Variants in BCAS3 observed in about 807,000 individuals in gnomAD.
The protein encoded by BCAS3 is BCAS3 microtubule associated cell migration factor.
Under a neutral mutation model 116.1 loss-of-function variants are expected in BCAS3, and 53 were observed. The ratio of observed to expected loss-of-function variants is 0.46; its 90% confidence interval spans 0.37 to 0.57. The LOEUF (loss-of-function observed/expected upper bound fraction) is 0.57. Among genes scored for constraint, BCAS3 ranks in the 20% least tolerant of loss-of-function variants. The pLI is 0.00. For missense variants in BCAS3, 917 were observed against 1,165.4 expected, an observed-to-expected ratio of 0.79 and a Z score of 3.10; for synonymous variants, 391 against 408.2, an observed-to-expected ratio of 0.96 and a Z score of 0.51.
rs551041743 is a variant in BCAS3, at chr17:60,712,307, T to C, written c.321+2982T>C. On this transcript the variant is annotated intron_variant, in intron 5 of 23. Coordinates refer to ENST00000407086, the MANE Select transcript of BCAS3 (RefSeq NM_017679.5). ...AGGGGGATTGCCTGAGCCTGGGAAG[T>C]TGAGGCTGCAGTGAGCCATGATTAT... Among the ~76,000 whole-genome samples, 3 of 150,594 alleles carry C rather than the reference T, an allele frequency of 2.0e-5. No individual in the cohort carries two copies. In the South Asian group the frequency reaches 6.3e-4, roughly 32 times the overall value.
intron 23 of BCAS3, among the ~76,000 whole-genome samples, chr17:61,386,772 T>TA (rs2059872241): frequency 1.9e-5 from 1 of 51,600 alleles, no homozygotes; most frequent in Non-Finnish European, 5.1e-5. Context: ...ATTTCCTTAC[T>TA]GTTTTTTTTT....
chr17:61,349,695 C>T lies in BCAS3; in HGVS notation c.2426-18632C>T, dbSNP rs186059296. Reference sequence around the variant, plus strand: ...AGGTACCATATGTAGACAAAGAAGACGTTTTTGGGCAATTGCCATGGAAAG... The same window carrying T: ...AGGTACCATATGTAGACAAAGAAGATGTTTTTGGGCAATTGCCATGGAAAG... On this transcript the variant is annotated intron_variant, in intron 22 of 23. Transcript: ENST00000407086. This position sits in a 1 kb window ranked among gnomAD's most constrained non-coding sequence, Gnocchi z 4.7. 1.5e-3 allele frequency among the ~76,000 whole-genome samples: 228 copies of T among 152,270 alleles called. 1 individual carries two copies. The highest frequency in any genetic ancestry group is 5.0e-3 in the African/African-American group (208 of 41,548).
At chr17:60,782,392 G>C (rs2045912005) in intron 6 of BCAS3, among the ~76,000 whole-genome samples, 1 of 152,038 alleles carries the variant, frequency 6.6e-6, no homozygotes, top group Non-Finnish European at 1.5e-5. Flanking sequence ...CCAGTTTGCA[G>C]ATGTGGCAGT....
intron 22 of BCAS3, among the ~76,000 whole-genome samples, chr17:61,090,104 C>G (rs546127003): frequency 6.6e-6 from 1 of 152,268 alleles, no homozygotes; most frequent in East Asian, 1.9e-4. Context: ...TCCTACCATG[C>G]CATTCACTTC....
chr17:60,838,734 T>A (rs191126996), intron 7 of BCAS3, among the ~76,000 whole-genome samples: 10 of 152,344 alleles, frequency 6.6e-5, no homozygotes, highest in Non-Finnish European at 1.2e-4. Flanking sequence ...GACTTCTATA[T>A]ACCGCCATTT....
At chr17:60,728,171 T>C (rs2040100326) in intron 5 of BCAS3, among the ~76,000 whole-genome samples, 2 of 152,078 alleles carry the variant, frequency 1.3e-5, no homozygotes, top group South Asian at 2.1e-4. Context: ...GTATCCACCA[T>C]TGTAATATCA....
At chr17:60,749,352 C>T (rs569314527) in intron 6 of BCAS3, among the ~76,000 whole-genome samples, 1 of 152,288 alleles carries the variant, frequency 6.6e-6, no homozygotes, top group South Asian at 2.1e-4. Context: ...TTCTTTGTGG[C>T]TTGTTTTACT....
chr17:60,774,195 C>G (rs2045048223), intron 6 of BCAS3, among the ~76,000 whole-genome samples: 1 of 151,872 alleles, frequency 6.6e-6, no homozygotes. Flanking sequence ...CTATTGGTGC[C>G]TCTTCATGTT....
At chr17:60,853,570 T>C (rs2099420530) in intron 7 of BCAS3, among the ~76,000 whole-genome samples, 1 of 152,232 alleles carries the variant, frequency 6.6e-6, no homozygotes, top group Admixed American at 6.5e-5. Context: ...CAAACATTCT[T>C]TCAGCTTGAG....
chr17:61,230,050 A>G (rs1004828827), intron 22 of BCAS3, among the ~76,000 whole-genome samples: 9 of 152,098 alleles, frequency 5.9e-5, no homozygotes, highest in African/African-American at 2.2e-4. Flanking sequence ...GGTTGAACCC[A>G]GGAGGCCGAG....
At chr17:60,947,387 G>C (rs1356095047) in intron 14 of BCAS3, 35 bp downstream of exon 14, 3 of 1,589,802 alleles carry the variant, frequency 1.9e-6, no homozygotes, top group Non-Finnish European at 2.6e-6. Flanking sequence ...GCGATTTCTT[G>C]GTGTAATATG....
At position 61,179,639 on chromosome 17, in the gene BCAS3, C is replaced by G. The variant is rs117185684; in HGVS notation, c.2425+95075C>G. On this transcript the variant is annotated intron_variant, in intron 22 of 23. Transcript: ENST00000407086. Reference sequence around the variant, plus strand: ...GCTTGATTACCTCCTAACCCTCTATCTCTTGCCTCTCCCTTCAAGCACTGC... The same window carrying G: ...GCTTGATTACCTCCTAACCCTCTATGTCTTGCCTCTCCCTTCAAGCACTGC... 1.4e-3 allele frequency among the ~76,000 whole-genome samples: 208 copies of G among 152,318 alleles called. 5 individuals carry two copies. In the East Asian group the frequency reaches 0.027, roughly 19 times the overall value.
intron 22 of BCAS3, among the ~76,000 whole-genome samples, chr17:61,342,003 T>G (rs750834445): frequency 2.8e-4 from 43 of 152,292 alleles, no homozygotes; most frequent in Non-Finnish European, 5.0e-4. Context: ...GGACAGTGGT[T>G]TAGGGCTTGG....
At chr17:61,011,733 TA>T (rs1021798478) in intron 15 of BCAS3, among the ~76,000 whole-genome samples, 6 of 152,078 alleles carry the variant, frequency 3.9e-5, no homozygotes, top group African/African-American at 1.2e-4. Context: ...GGAGGTTTGT[TA>T]GATTCTAGCT....
intron 22 of BCAS3, among the ~76,000 whole-genome samples, chr17:61,157,046 C>G (rs187997934): frequency 3.2e-4 from 48 of 152,264 alleles, no homozygotes; most frequent in African/African-American, 1.1e-3. Context: ...ATTGAACTTT[C>G]TCTTTGCTCT....
rs934737931 is a variant in BCAS3 at position 61,077,559 on chromosome 17, A to G, written c.2131-774A>G. Among the ~76,000 whole-genome samples, 1 of 152,098 alleles carries G rather than the reference A, an allele frequency of 6.6e-6. No individual in the cohort carries two copies. The highest frequency in any genetic ancestry group is 1.5e-5 in the Non-Finnish European group (1 of 68,002). On this transcript the variant is annotated intron_variant, in intron 20 of 23. Transcript: ENST00000407086. This position sits in a 1 kb window ranked among gnomAD's most constrained non-coding sequence, Gnocchi z 4.3. ...AAATAAATAAAATAAAATATTGGCA[A>G]CATTCCCTATCCCCCCCATTGAGCG...
chr17:61,070,148 A>G (rs1323243114), intron 19 of BCAS3: 4 of 1,568,482 alleles, frequency 2.6e-6, no homozygotes, highest in Non-Finnish European at 3.5e-6. Flanking sequence ...ACAGAAGACA[A>G]CAACACACTT....
At chr17:60,742,142 T>C (rs990578132) in intron 5 of BCAS3, among the ~76,000 whole-genome samples, 1 of 152,226 alleles carries the variant, frequency 6.6e-6, no homozygotes, top group Admixed American at 6.5e-5. Context: ...GGCACTAAAA[T>C]GTACTGTTTG....
rs541011247 is a variant in BCAS3, at chr17:61,208,914, T to G, written c.2425+124350T>G. On this transcript the variant is annotated intron_variant, in intron 22 of 23. Transcript: ENST00000407086. This position sits in a 1 kb window ranked among gnomAD's most constrained non-coding sequence, Gnocchi z 4.5. ...AAAAGGAGGGCCTGTATCTCTTGTGTAGCTCAGATCCTTTGGGTATTTAAT... is the reference window on the plus strand; with the variant it reads ...AAAAGGAGGGCCTGTATCTCTTGTGGAGCTCAGATCCTTTGGGTATTTAAT... Among the ~76,000 whole-genome samples the G allele has an allele frequency of 2.6e-5, 4 of 151,728 alleles. No individual in the cohort carries two copies. The South Asian group carries it at 8.3e-4, about 32-fold the overall frequency.
Sources: allele counts gnomAD v4.1 joint callset (sites outside exome capture counted in the v4.1 genomes callset), GRCh38; gene constraint gnomAD v4.1.1; non-coding constraint Gnocchi (gnomAD v3.1); transcripts MANE v1.5; gene names NCBI Gene and HGNC (gene_info 2026-07-23, HGNC 2026-07-21).